EFCAB5: variants seen among roughly 807,000 people sequenced by gnomAD.
EFCAB5 encodes EF-hand calcium-binding domain-containing protein 5.
A neutral mutation model predicts 167.9 loss-of-function variants in EFCAB5; 131 were observed. The observed-to-expected ratio is 0.78, with a 90% CI of 0.68 to 0.90. The LOEUF (loss-of-function observed/expected upper bound fraction) is 0.90, where lower values mean the gene tolerates loss of function less well. EFCAB5 is among the 40% of genes least tolerant of loss of function. EFCAB5 has a pLI of 0.00. For missense variants in EFCAB5, 1,663 were observed against 1,745.2 expected (o/e 0.95, Z 0.84); for synonymous variants, 574 against 602.8 (o/e 0.95, Z 0.70).
chr17:29,999,689 C>CT (rs1234763300), intron 6 of EFCAB5, among the ~76,000 whole-genome samples: 4 of 150,466 alleles, frequency 2.7e-5, no homozygotes, highest in Admixed American at 6.6e-5. Flanking sequence ...AATATAGGCT[C>CT]TTTTTTTTTA....
intron 14 of EFCAB5, chr17:30,073,061 A>AT (rs545468255): frequency 0.065 from 30,085 of 463,620 alleles, 1 homozygote; most frequent in South Asian, 0.1. Context: ...CCCAACCTTT[A>AT]TTTTTTTTTT....
Position 30,010,871 on chromosome 17 carries a change from G to C in EFCAB5, c.1044+10895G>C, listed in dbSNP as rs575583643. Among the ~76,000 whole-genome samples, 7 of 152,248 alleles carry C rather than the reference G, an allele frequency of 4.6e-5. No homozygotes were observed. The South Asian group carries it at 1.2e-3, about 27-fold the overall frequency. On this transcript the variant is annotated intron_variant, in intron 7 of 22. Coordinates refer to ENST00000394835, the MANE Select transcript of EFCAB5 (RefSeq NM_198529.4). ...TTGCTTTTGGTGTTTTATTCATGAA[G>C]TCCTTGCCCATGCCTATGTCCTGAA...
intron 6 of EFCAB5, 58 bp from the exon 7 acceptor site, chr17:29,999,848 A>G: frequency 8.0e-7 from 1 of 1,252,394 alleles, no homozygotes; most frequent in Non-Finnish European, 1.1e-6. Flanking sequence ...TATAGTATAA[A>G]TATCAAATAT....
At position 30,046,969 on chromosome 17, in the gene EFCAB5, G is replaced by A. The variant is rs1473620336; in HGVS notation, c.1201-4149G>A. On this transcript the variant is annotated intron_variant, in intron 8 of 22. Coordinates refer to ENST00000394835, the MANE Select transcript of EFCAB5 (RefSeq NM_198529.4). ...AGTAAGTTTTTGCTAATTTCTAGCA[G>A]CAGAAAGCTGGGGAATATGTGTGGG... Among the ~76,000 whole-genome samples, 4 of 152,286 alleles carry A rather than the reference G, an allele frequency of 2.6e-5. No homozygotes were observed. In the East Asian group the frequency reaches 5.8e-4, roughly 22 times the overall value.
chr17:29,956,211 C>A (rs950094409), intron 3 of EFCAB5, among the ~76,000 whole-genome samples: 1 of 152,056 alleles, frequency 6.6e-6, no homozygotes, highest in African/African-American at 2.4e-5. Context: ...TATAGTTATA[C>A]AATAATATAC....
chr17:30,054,612 C>A (rs185227836), intron 10 of EFCAB5, among the ~76,000 whole-genome samples: 2 of 152,296 alleles, frequency 1.3e-5, no homozygotes, highest in East Asian at 3.9e-4. Flanking sequence ...AATATTTATT[C>A]TCATGTCTTT....
Position 29,942,245 on chromosome 17 carries a change from C to G in EFCAB5, c.48C>G (p.Asn16Lys), listed in dbSNP as rs762914831. ...SQEELRPAQE[N>K]RKEDKERKWN... ...TAACACTGTTTGCATTTCAGGAAAA[C>G]AGAAAAGAAGACAAAGAGAGGAAAT... The change falls in exon 2 of 23, where the codon AAC (asparagine) becomes AAG (lysine). Residue 16 changes from asparagine to lysine, a missense_variant. Asn to Lys is a moderately conservative substitution (Grantham distance 94). Coordinates refer to ENST00000394835, the MANE Select transcript of EFCAB5 (RefSeq NM_198529.4). 20 of 1,584,820 alleles carry G rather than the reference C, an allele frequency of 1.3e-5. No individual in the cohort carries two copies. The highest frequency in any genetic ancestry group is 2.3e-5 in the East Asian group (1 of 44,024).
chr17:29,941,910 T>C, intron 1 of EFCAB5, 72 bp downstream of exon 1: 2 of 1,369,602 alleles, frequency 1.5e-6, no homozygotes, highest in Non-Finnish European at 2.0e-6. Context: ...AAAATTGAGA[T>C]GCAATATCAC....
chr17:30,024,006 A>G (rs2069250520), intron 7 of EFCAB5, among the ~76,000 whole-genome samples: 1 of 152,190 alleles, frequency 6.6e-6, no homozygotes, highest in Non-Finnish European at 1.5e-5. Flanking sequence ...AACTCTCAAT[A>G]AATTAGGTAC....
intron 12 of EFCAB5, 40 bp from the exon 13 acceptor site, chr17:30,057,636 T>C: frequency 6.4e-7 from 1 of 1,556,634 alleles, no homozygotes; most frequent in Non-Finnish European, 8.8e-7. Flanking sequence ...ACTGAAAAAA[T>C]TGTTCACTTT....
intron 4 of EFCAB5, among the ~76,000 whole-genome samples, chr17:29,976,982 T>C (rs192276921): frequency 1.3e-5 from 2 of 152,192 alleles, no homozygotes; most frequent in Admixed American, 6.5e-5. Context: ...CTACTTTTCA[T>C]TGGGGCTCTT....
At chr17:29,957,147 A>C (rs1667148136) in intron 3 of EFCAB5, among the ~76,000 whole-genome samples, 2 of 151,844 alleles carry the variant, frequency 1.3e-5, no homozygotes, top group South Asian at 4.2e-4. Context: ...GTTTTGAGGG[A>C]TTTTATTATG....
intron 7 of EFCAB5, among the ~76,000 whole-genome samples, chr17:30,011,936 C>G (rs543909095): frequency 6.6e-6 from 1 of 152,226 alleles, no homozygotes; most frequent in Non-Finnish European, 1.5e-5. Flanking sequence ...ATTAGTAGTA[C>G]TTATTCTTTA....
intron 8 of EFCAB5, among the ~76,000 whole-genome samples, chr17:30,045,049 A>G (rs2069882821): frequency 6.6e-6 from 1 of 152,226 alleles, no homozygotes; most frequent in Non-Finnish European, 1.5e-5. Context: ...GGCAGAACCA[A>G]AGGATGCGCC....
intron 7 of EFCAB5, among the ~76,000 whole-genome samples, chr17:30,002,769 A>G (rs1383913571): frequency 1.3e-5 from 2 of 152,186 alleles, no homozygotes; most frequent in Non-Finnish European, 2.9e-5. Context: ...GACAACTTCT[A>G]TTAGTTTTAC....
At chr17:30,028,781 G>C (rs1039531714) in intron 7 of EFCAB5, among the ~76,000 whole-genome samples, 1 of 152,150 alleles carries the variant, frequency 6.6e-6, no homozygotes, top group Non-Finnish European at 1.5e-5. Context: ...TTTCTTCTGA[G>C]GGCCTCTCTC....
chr17:30,012,133 G>A lies in EFCAB5; in HGVS notation c.1044+12157G>A, dbSNP rs532612175. Among the ~76,000 whole-genome samples, 16 of 152,302 alleles carry A rather than the reference G, an allele frequency of 1.1e-4. No homozygotes were observed. The East Asian group carries it at 1.7e-3, about 17-fold the overall frequency. On this transcript the variant is annotated intron_variant, in intron 7 of 22. Coordinates refer to ENST00000394835, the MANE Select transcript of EFCAB5 (RefSeq NM_198529.4). ...TGGTAACGCCAGCGTCTGGGAAGAC[G>A]CCCATTGCCAGGCAGACCGTGGTCT...
rs936665318 is a variant in EFCAB5 at position 29,943,663 on chromosome 17, C to T, written c.190+14C>T. 4 of 1,557,434 alleles carry T rather than the reference C, an allele frequency of 2.6e-6. No homozygotes were observed. In the African/African-American group the frequency reaches 5.4e-5, roughly 21 times the overall value. On this transcript the variant is annotated intron_variant, in intron 3 of 22. Transcript: ENST00000394835. Reference sequence around the variant, plus strand: ...TCAAATCCCAAGGTAGAGAACTAGCCTTTCTCTTATACAATAGAATCTAAA... The same window carrying T: ...TCAAATCCCAAGGTAGAGAACTAGCTTTTCTCTTATACAATAGAATCTAAA...
chr17:29,992,777 C>T (rs933925448), intron 4 of EFCAB5, among the ~76,000 whole-genome samples: 9 of 152,224 alleles, frequency 5.9e-5, no homozygotes, highest in African/African-American at 2.2e-4. Context: ...CTTTGACAAA[C>T]TGATTTCAGA....
Sources: allele counts gnomAD v4.1 joint callset (sites outside exome capture counted in the v4.1 genomes callset), GRCh38; gene constraint gnomAD v4.1.1; transcripts MANE v1.5; gene names NCBI Gene and HGNC (gene_info 2026-07-23, HGNC 2026-07-21).